PDE10A: variants seen among roughly 807,000 people sequenced by gnomAD.
PDE10A encodes phosphodiesterase 10A, also known as cAMP and cAMP-inhibited cGMP 3',5'-cyclic phosphodiesterase 10A.
PDE10A carries 39 observed loss-of-function variants against 97.7 expected under a neutral mutation model. That is an observed-to-expected ratio of 0.40 (90% CI 0.31 to 0.52). PDE10A has a LOEUF of 0.52. Among genes scored for constraint, PDE10A ranks in the 20% least tolerant of loss-of-function variants. The pLI is 0.56. For missense variants in PDE10A, 731 were observed against 1,047.8 expected (o/e 0.70, Z 4.17); for synonymous variants, 371 against 376.8 (o/e 0.98, Z 0.18).
rs946074455 is a variant in PDE10A, at chr6:165,330,531, T to C, written c.*2494A>G. The C allele has an allele frequency of 6.6e-6, 1 of 152,200 alleles. No individual in the cohort carries two copies. Among genetic ancestry groups the C allele is most frequent in the Non-Finnish European group, 1.5e-5 (1 of 68,022 alleles). The allele number at this position is 152,200 out of a possible 1,614,324, so 9.4% of individuals were successfully genotyped here. Reference sequence around the variant, plus strand: ...GTAAAAGCAATATTGACAGTTTATATCAGAATTCAGTCTTTTGTTCAAGCT... The same window carrying C: ...GTAAAAGCAATATTGACAGTTTATACCAGAATTCAGTCTTTTGTTCAAGCT... On this transcript the variant is annotated 3_prime_UTR_variant, in exon 22 of 22. Transcript: ENST00000539869.
chr6:165,766,454 T>A (rs1014638126), intron 1 of PDE10A, among the ~76,000 whole-genome samples: 2 of 152,254 alleles, frequency 1.3e-5, no homozygotes, highest in African/African-American at 2.4e-5. Flanking sequence ...CAAGGTTTAG[T>A]GCCTAATTGA....
intron 1 of PDE10A, among the ~76,000 whole-genome samples, chr6:165,958,943 G>T (rs1784278089): frequency 6.6e-6 from 1 of 152,120 alleles, no homozygotes; most frequent in African/African-American, 2.4e-5. Context: ...TATTCCAGTT[G>T]CCCTGGAAAA....
intron 6 of PDE10A, among the ~76,000 whole-genome samples, chr6:165,433,768 C>T (rs144003062): frequency 0.026 from 4,009 of 152,120 alleles, 178 homozygotes; most frequent in African/African-American, 0.089. Context: ...GTAATCCCAG[C>T]ACTTTGGGAG....
chr6:165,482,169 C>T, intron 3 of PDE10A, 146 bp downstream of exon 3: 2 of 692,450 alleles, frequency 2.9e-6, no homozygotes, highest in South Asian at 3.4e-5. Context: ...TGACTTTATT[C>T]CATATTAATG....
chr6:165,942,629 C>A (rs2128492935), intron 1 of PDE10A, among the ~76,000 whole-genome samples: 1 of 152,284 alleles, frequency 6.6e-6, no homozygotes, highest in South Asian at 2.1e-4. Flanking sequence ...TGTCTGCTCC[C>A]AGTTTCAGCT....
chr6:165,727,449 GCTAGATGC>G (rs1157951314), intron 1 of PDE10A, among the ~76,000 whole-genome samples: 2 of 152,198 alleles, frequency 1.3e-5, no homozygotes, highest in African/African-American at 4.8e-5. Flanking sequence ...AAAAGACAAG[GCTAGATGC>G]CTGTTCCTCC....
At chr6:165,815,557 C>T (rs1583134627) in intron 1 of PDE10A, among the ~76,000 whole-genome samples, 2 of 152,156 alleles carry the variant, frequency 1.3e-5, no homozygotes, top group African/African-American at 4.8e-5. Context: ...AAGGATTCAG[C>T]TTGGATGAAG....
At chr6:165,606,798 C>G (rs1026665275) in intron 1 of PDE10A, among the ~76,000 whole-genome samples, 1 of 151,996 alleles carries the variant, frequency 6.6e-6, no homozygotes, top group African/African-American at 2.4e-5. Context: ...TGTGACTGGA[C>G]CATGGAGTGC....
Position 165,328,581 on chromosome 6 carries a change from C to T in PDE10A, c.*4444G>A, listed in dbSNP as rs1362404671. 6.6e-6 allele frequency: 1 copy of T among 152,200 alleles called. No individual in the cohort carries two copies. The highest frequency in any genetic ancestry group is 1.5e-5 in the Non-Finnish European group (1 of 68,042). The allele number at this position is 152,200 out of a possible 1,614,324, so 9.4% of individuals were successfully genotyped here. On this transcript the variant is annotated 3_prime_UTR_variant, in exon 22 of 22. Transcript: ENST00000539869. ...TTTCTCCCACTTGCAGGAAAGAGCA[C>T]GTAGGCTCTGTACGGCTTTGCAAGC...
chr6:165,435,298 G>A lies in PDE10A; in HGVS notation c.1274C>T (p.Thr425Ile), dbSNP rs749299428. 3 of 1,613,992 alleles carry A rather than the reference G, an allele frequency of 1.9e-6. No homozygotes were observed. Among genetic ancestry groups the A allele is most frequent in the Non-Finnish European group, 2.5e-6 (3 of 1,179,888 alleles). ...CTTGGCCACATAAGCAGAGACGGTG[G>A]TGCCCTGAGTGATGGGCCCAGCAGG... is the stretch of plus-strand genomic sequence containing the variant. ...LIPAGPITQG[T>I]TVSAYVAKSR... The change falls in exon 6 of 22, where the codon ACC becomes ATC. Residue 425 changes from threonine (T) to isoleucine (I), a missense_variant. Coordinates refer to ENST00000539869, the MANE Select transcript of PDE10A (RefSeq NM_001385079.1).
At chr6:165,436,288 A>G (rs1300916942) in intron 5 of PDE10A, among the ~76,000 whole-genome samples, 1 of 152,208 alleles carries the variant, frequency 6.6e-6, no homozygotes, top group Non-Finnish European at 1.5e-5. Flanking sequence ...ACCTTTCTAC[A>G]ATACTTGTTA....
At chr6:165,475,390 C>G (rs1485153793) in intron 3 of PDE10A, among the ~76,000 whole-genome samples, 2 of 151,932 alleles carry the variant, frequency 1.3e-5, no homozygotes, top group East Asian at 3.9e-4. Flanking sequence ...TGAAAATCTC[C>G]CCATTCTCAT....
chr6:165,449,242 A>G (rs1440597194), intron 4 of PDE10A, among the ~76,000 whole-genome samples: 1 of 152,230 alleles, frequency 6.6e-6, no homozygotes, highest in Non-Finnish European at 1.5e-5. Flanking sequence ...ATAGTAACAT[A>G]TTTGTTGAAC....
intron 1 of PDE10A, among the ~76,000 whole-genome samples, chr6:165,774,514 T>C (rs1778109432): frequency 6.8e-6 from 1 of 148,032 alleles, no homozygotes. Flanking sequence ...CCTATATATT[T>C]ATATATTACA....
chr6:165,901,795 C>G (rs1782115664), intron 1 of PDE10A, among the ~76,000 whole-genome samples: 1 of 150,866 alleles, frequency 6.6e-6, no homozygotes, highest in African/African-American at 2.4e-5. Context: ...AGTGAAACTC[C>G]ATCTCAAAAA....
chr6:165,347,112 CT>C (rs1782365643), intron 18 of PDE10A, among the ~76,000 whole-genome samples: 1 of 151,064 alleles, frequency 6.6e-6, no homozygotes, highest in Non-Finnish European at 1.5e-5. Context: ...TTTTATCTTG[CT>C]TTTAAACTCA....
At chr6:165,390,445 G>T (rs1785622560) in intron 16 of PDE10A, among the ~76,000 whole-genome samples, 1 of 152,230 alleles carries the variant, frequency 6.6e-6, no homozygotes, top group African/African-American at 2.4e-5. Context: ...AAAGTAACAG[G>T]GAGGGAGCTG....
At chr6:165,809,977 C>A (rs998614350) in intron 1 of PDE10A, among the ~76,000 whole-genome samples, 1 of 152,232 alleles carries the variant, frequency 6.6e-6, no homozygotes, top group East Asian at 1.9e-4. Flanking sequence ...AATATGCTGG[C>A]GGAATATGCA....
chr6:165,335,787 G>A (rs1044335410), intron 21 of PDE10A, among the ~76,000 whole-genome samples: 1 of 152,118 alleles, frequency 6.6e-6, no homozygotes, highest in African/African-American at 2.4e-5. Context: ...CCCACACCGA[G>A]ACAGAGGCCC....
Sources: allele counts gnomAD v4.1 joint callset (sites outside exome capture counted in the v4.1 genomes callset), GRCh38; gene constraint gnomAD v4.1.1; transcripts MANE v1.5; gene names NCBI Gene and HGNC (gene_info 2026-07-23, HGNC 2026-07-21).